The following ICA1 variants were observed in gnomAD, a reference collection of about 807,000 sequenced individuals.
ICA1 encodes 69 kDa islet cell autoantigen.
In ICA1, 40 loss-of-function variants were observed where a neutral mutation model predicts 71.0. The observed-to-expected ratio is 0.56, with a 90% CI of 0.44 to 0.73. ICA1 has a LOEUF of 0.73. ICA1 is among the 30% of genes least tolerant of loss of function. ICA1 has a pLI of 0.00. For synonymous variants in ICA1, 207 were observed against 209.5 expected (o/e 0.99, Z 0.10); for missense variants, 578 against 576.5 (o/e 1.00, Z -0.03).
chr7:8,240,338 A>C (rs1215854440), intron 1 of ICA1, among the ~76,000 whole-genome samples: 1 of 152,236 alleles, frequency 6.6e-6, no homozygotes, highest in Admixed American at 6.5e-5. Flanking sequence ...GACTGTTAGA[A>C]GGAAAACTAA....
At chr7:8,261,604 AG>A (rs1465243456) in intron 1 of ICA1, among the ~76,000 whole-genome samples, 2 of 152,176 alleles carry the variant, frequency 1.3e-5, no homozygotes, top group Admixed American at 1.3e-4. Context: ...TGCCAAAAAA[AG>A]GGCCACGGAG....
chr7:8,260,391 T>C (rs1811841581), intron 1 of ICA1, among the ~76,000 whole-genome samples: 1 of 152,020 alleles, frequency 6.6e-6, no homozygotes, highest in Admixed American at 6.6e-5. Flanking sequence ...TGGGGGAAAA[T>C]AGTTACAAAA....
chr7:8,138,254 T>C (rs1794071212), intron 12 of ICA1, among the ~76,000 whole-genome samples: 1 of 152,228 alleles, frequency 6.6e-6, no homozygotes. Flanking sequence ...GCGACTTAAC[T>C]AAGCAAACTC....
At chr7:8,261,577 A>G (rs1812421964) in intron 1 of ICA1, among the ~76,000 whole-genome samples, 1 of 152,144 alleles carries the variant, frequency 6.6e-6, no homozygotes, top group Non-Finnish European at 1.5e-5. Flanking sequence ...AGGTACCCAT[A>G]TGCTCTCTGC....
At chr7:8,118,915 G>C (rs547672571) in intron 13 of ICA1, among the ~76,000 whole-genome samples, 1 of 152,314 alleles carries the variant, frequency 6.6e-6, no homozygotes, top group African/African-American at 2.4e-5. Flanking sequence ...ACGAGCCAAT[G>C]CTGACCTACT....
intron 13 of ICA1, among the ~76,000 whole-genome samples, chr7:8,121,573 G>T (rs1786956355): frequency 6.6e-6 from 1 of 152,230 alleles, no homozygotes; most frequent in Admixed American, 6.5e-5. Flanking sequence ...CATGGAAATA[G>T]AAAGTAGAAT....
At chr7:8,243,383 C>T (rs963402202) in intron 1 of ICA1, among the ~76,000 whole-genome samples, 5 of 152,158 alleles carry the variant, frequency 3.3e-5, no homozygotes, top group Admixed American at 6.5e-5. Context: ...ATGCTAAAAA[C>T]TCTCAATAAA....
chr7:8,195,706 A>G (rs1451748908), intron 6 of ICA1, among the ~76,000 whole-genome samples: 2 of 151,854 alleles, frequency 1.3e-5, no homozygotes, highest in Admixed American at 6.6e-5. Flanking sequence ...CCGGCCGGGC[A>G]CAGTGGCTCA....
At chr7:8,256,507 G>C (rs1426615238) in intron 1 of ICA1, among the ~76,000 whole-genome samples, 1 of 152,006 alleles carries the variant, frequency 6.6e-6, no homozygotes, top group African/African-American at 2.4e-5. Context: ...CCCCTCCTTT[G>C]TCTGATTGCC....
At chr7:8,115,748 C>G (rs1052590279) in intron 13 of ICA1, among the ~76,000 whole-genome samples, 1 of 152,250 alleles carries the variant, frequency 6.6e-6, no homozygotes, top group Non-Finnish European at 1.5e-5. Context: ...AGAGCTAGAG[C>G]TGCAAACACA....
chr7:8,155,695 T>C (rs1332901098), intron 8 of ICA1, among the ~76,000 whole-genome samples: 2 of 152,192 alleles, frequency 1.3e-5, no homozygotes, highest in African/African-American at 2.4e-5. Context: ...TAAAAGCCTC[T>C]GCTTTATCAA....
intron 6 of ICA1, among the ~76,000 whole-genome samples, chr7:8,195,292 A>G (rs902800373): frequency 6.6e-6 from 1 of 152,170 alleles, no homozygotes; most frequent in African/African-American, 2.4e-5. Flanking sequence ...CAGCACTTTG[A>G]GAGGATGAGG....
intron 6 of ICA1, among the ~76,000 whole-genome samples, chr7:8,174,158 G>T (rs1426983193): frequency 6.6e-6 from 1 of 152,036 alleles, no homozygotes. Context: ...CCCTGGGAAT[G>T]GAGTATGCGT....
intron 5 of ICA1, 82 bp from the exon 6 acceptor site, chr7:8,218,585 C>T (rs781667252): frequency 4.4e-5 from 50 of 1,124,114 alleles, no homozygotes; most frequent in South Asian, 1.2e-4. Flanking sequence ...ATCTTAGACT[C>T]GTGAGTCTAG....
chr7:8,247,931 T>C (rs1035452971), intron 1 of ICA1, among the ~76,000 whole-genome samples: 24 of 152,318 alleles, frequency 1.6e-4, no homozygotes, highest in Admixed American at 1.4e-3. Flanking sequence ...TTTGACCAGT[T>C]TTCAATACCT....
chr7:8,117,576 C>G (rs145553103), intron 13 of ICA1, among the ~76,000 whole-genome samples: 1 of 152,196 alleles, frequency 6.6e-6, no homozygotes, highest in Non-Finnish European at 1.5e-5. Flanking sequence ...TAACACAGCA[C>G]AGGTAGATGT....
At chr7:8,175,056 T>A (rs967002735) in intron 6 of ICA1, among the ~76,000 whole-genome samples, 1 of 152,130 alleles carries the variant, frequency 6.6e-6, no homozygotes, top group African/African-American at 2.4e-5. Context: ...GATCATCTCA[T>A]GTGCTTGTCA....
chr7:8,211,931 AT>A (rs1793931737), intron 6 of ICA1, among the ~76,000 whole-genome samples: 1 of 152,206 alleles, frequency 6.6e-6, no homozygotes, highest in Non-Finnish European at 1.5e-5. Flanking sequence ...TCATGTTCCA[AT>A]AAAACCTTTA....
intron 4 of ICA1, among the ~76,000 whole-genome samples, chr7:8,225,338 A>T (rs1055515392): frequency 1.3e-5 from 2 of 152,232 alleles, no homozygotes; most frequent in Non-Finnish European, 2.9e-5. Context: ...TATGGGTTAT[A>T]ATTCAAAACT....
Sources: gnomAD v4.1 joint callset for allele counts (sites outside exome capture counted in the v4.1 genomes callset) on GRCh38, gnomAD v4.1.1 for gene constraint, MANE v1.5 for transcripts, NCBI Gene and HGNC (gene_info 2026-07-23, HGNC 2026-07-21) for gene names.